Variants in CRACR2A observed in about 807,000 individuals in gnomAD.
The protein encoded by CRACR2A is calcium release activated channel regulator 2A.
CRACR2A carries 79 observed loss-of-function variants against 90.5 expected under a neutral mutation model. The observed-to-expected ratio is 0.87, with a 90% CI of 0.73 to 1.05. The LOEUF (loss-of-function observed/expected upper bound fraction) is 1.05. Among genes scored for constraint, CRACR2A ranks in the 50% least tolerant of loss-of-function variants. The pLI, the probability that CRACR2A is intolerant of heterozygous loss-of-function variation, is 0.00. For missense variants in CRACR2A, 823 were observed against 897.2 expected (o/e 0.92, Z 1.06); for synonymous variants, 338 against 356.7 (o/e 0.95, Z 0.59).
chr12:3,685,395 A>C (rs186956241), intron 4 of CRACR2A, among the ~76,000 whole-genome samples: 4 of 152,344 alleles, frequency 2.6e-5, no homozygotes, highest in African/African-American at 4.8e-5. Flanking sequence ...ATACACACCA[A>C]AGAATAAAAA....
intron 2 of CRACR2A, among the ~76,000 whole-genome samples, chr12:3,715,719 C>T (rs1946073890): frequency 6.6e-6 from 1 of 152,160 alleles, no homozygotes; most frequent in South Asian, 2.1e-4. Context: ...ATGAAAATTA[C>T]AAATATAAAC....
chr12:3,737,869 T>C (rs948651289), intron 1 of CRACR2A, among the ~76,000 whole-genome samples: 2 of 152,254 alleles, frequency 1.3e-5, no homozygotes, highest in Non-Finnish European at 2.9e-5. Context: ...GGACAAGTCC[T>C]ACCAAGCCTT....
chr12:3,641,885 T>C (rs1186421091), intron 12 of CRACR2A, 47 bp from the exon 13 acceptor site: 3 of 1,511,354 alleles, frequency 2.0e-6, no homozygotes, highest in East Asian at 4.9e-5. Context: ...TTTGCTCCGA[T>C]GTTTGAACAG....
At chr12:3,726,266 G>A (rs1394352378) in intron 2 of CRACR2A, 5 of 152,162 alleles carry the variant, frequency 3.3e-5, no homozygotes, top group African/African-American at 9.6e-5. Flanking sequence ...TCTTGTGCAG[G>A]AGCCATGCTA....
At chr12:3,688,506 C>T (rs965771000) in intron 4 of CRACR2A, among the ~76,000 whole-genome samples, 5 of 152,198 alleles carry the variant, frequency 3.3e-5, no homozygotes, top group Admixed American at 1.3e-4. Flanking sequence ...TGTGGGTGTG[C>T]AGCCTTATTT....
chr12:3,742,307 G>A (rs534673071), intron 1 of CRACR2A, among the ~76,000 whole-genome samples: 1 of 152,262 alleles, frequency 6.6e-6, no homozygotes, highest in Non-Finnish European at 1.5e-5. Flanking sequence ...CTCTGAGGGT[G>A]GTCCCATCTT....
intron 3 of CRACR2A, among the ~76,000 whole-genome samples, chr12:3,706,469 G>C (rs1246691042): frequency 6.6e-6 from 1 of 152,198 alleles, no homozygotes; most frequent in Non-Finnish European, 1.5e-5. Flanking sequence ...TGCTGTGGTG[G>C]ATAAGAACAT....
chr12:3,636,155 AT>A (rs1190006415), intron 14 of CRACR2A, among the ~76,000 whole-genome samples: 5 of 152,318 alleles, frequency 3.3e-5, no homozygotes, highest in Non-Finnish European at 5.9e-5. Flanking sequence ...CTTATGAAGA[AT>A]TCCCAGCAAT....
chr12:3,724,884 C>A (rs1946237325), intron 2 of CRACR2A, among the ~76,000 whole-genome samples: 1 of 152,160 alleles, frequency 6.6e-6, no homozygotes, highest in Admixed American at 6.5e-5. Context: ...GAACTCGCTT[C>A]CTGGGCTGCT....
intron 7 of CRACR2A, among the ~76,000 whole-genome samples, 157 bp downstream of exon 7, chr12:3,673,289 C>T (rs1002576385): frequency 3.9e-5 from 6 of 152,180 alleles, no homozygotes; most frequent in African/African-American, 1.4e-4. Context: ...CTTAAAAATA[C>T]ATATATCGTG....
intron 11 of CRACR2A, among the ~76,000 whole-genome samples, chr12:3,646,430 C>A (rs146537817): frequency 1.3e-5 from 2 of 152,286 alleles, no homozygotes; most frequent in South Asian, 2.1e-4. Context: ...GTGGGCCAGG[C>A]GCTCCGCTAA....
intron 1 of CRACR2A, among the ~76,000 whole-genome samples, chr12:3,751,705 A>C (rs1181324630): frequency 6.6e-6 from 1 of 151,938 alleles, no homozygotes; most frequent in Non-Finnish European, 1.5e-5. Context: ...CTCCTTCCAG[A>C]AGTAACCTCC....
chr12:3,655,300 G>A (rs1450028513), intron 9 of CRACR2A, among the ~76,000 whole-genome samples: 1 of 152,210 alleles, frequency 6.6e-6, no homozygotes, highest in Non-Finnish European at 1.5e-5. Context: ...AAGAGTAGGA[G>A]AAGCAAGGTA....
In CRACR2A at chr12:3,734,072, G is replaced by A. The variant is rs377137072; in HGVS notation, c.-386-862C>T. ...TGCAAGCTCTGCCTCTCGGGTTCAC[G>A]CCATTCTCCTGCCTCAGCCTCCTGA... On this transcript the variant is annotated intron_variant, in intron 1 of 19. Coordinates refer to ENST00000440314, the MANE Select transcript of CRACR2A (RefSeq NM_001144958.2). 3.4e-3 allele frequency among the ~76,000 whole-genome samples: 507 copies of A among 147,694 alleles called. 1 individual carries two copies. The highest frequency in any genetic ancestry group is 0.022 in the Middle Eastern group (6 of 278).
chr12:3,734,844 G>A (rs868622072), intron 1 of CRACR2A, among the ~76,000 whole-genome samples: 17 of 152,116 alleles, frequency 1.1e-4, no homozygotes, highest in Admixed American at 1.3e-4. Flanking sequence ...AGGGCAGAAC[G>A]GTGGTTGCAA....
chr12:3,722,930 C>T (rs1946206041), intron 2 of CRACR2A, among the ~76,000 whole-genome samples: 1 of 152,200 alleles, frequency 6.6e-6, no homozygotes, highest in Admixed American at 6.5e-5. Context: ...TCATCTATTT[C>T]CTTACCCTCT....
At chr12:3,656,464 ATT>A in intron 8 of CRACR2A, 58 bp from the exon 9 acceptor site, 1 of 1,496,782 alleles carries the variant, frequency 6.7e-7, no homozygotes, top group Non-Finnish European at 9.2e-7. Context: ...CGGGTTATAG[ATT>A]TTTTTTTTCC....
chr12:3,641,485 C>T (rs991573309), intron 13 of CRACR2A, among the ~76,000 whole-genome samples: 3 of 152,246 alleles, frequency 2.0e-5, no homozygotes, highest in African/African-American at 7.2e-5. Context: ...TCTCTGCAAA[C>T]ACACAGTAGG....
At chr12:3,652,044 A>C (rs1944803149) in intron 10 of CRACR2A, among the ~76,000 whole-genome samples, 1 of 152,114 alleles carries the variant, frequency 6.6e-6, no homozygotes, top group Non-Finnish European at 1.5e-5. Flanking sequence ...AAGTTTGTGA[A>C]GGTTCTGGAG....
Sources: allele counts gnomAD v4.1 joint callset (sites outside exome capture counted in the v4.1 genomes callset), GRCh38; gene constraint gnomAD v4.1.1; transcripts MANE v1.5; gene names NCBI Gene and HGNC (gene_info 2026-07-23, HGNC 2026-07-21).